The following JAKMIP3 variants were observed in gnomAD, a reference collection of about 807,000 sequenced individuals.
JAKMIP3 encodes janus kinase and microtubule-interacting protein 3.
In JAKMIP3, 58 loss-of-function variants were observed where a neutral mutation model predicts 118.5. The ratio of observed to expected loss-of-function variants is 0.49; its 90% CI spans 0.40 to 0.61. The LOEUF is 0.61. Ranked by LOEUF, JAKMIP3 falls within the 20% of genes least tolerant of loss-of-function variation. The pLI is 0.00. For missense variants in JAKMIP3, 950 were observed against 1,109.0 expected (o/e 0.86, Z 2.04); for synonymous variants, 486 against 451.2 (o/e 1.08, Z -0.98).
chr10:132,100,869 C>G (rs1404207434), intron 1 of JAKMIP3, among the ~76,000 whole-genome samples: 1 of 152,094 alleles, frequency 6.6e-6, no homozygotes, highest in Non-Finnish European at 1.5e-5. Flanking sequence ...ATGAGGAACC[C>G]CAGCTGTGCT....
chr10:132,039,379 C>G (rs2037641287), intron 1 of JAKMIP3, among the ~76,000 whole-genome samples: 1 of 150,722 alleles, frequency 6.6e-6, no homozygotes, highest in Admixed American at 6.6e-5. Flanking sequence ...TGCCTTGCCC[C>G]CTCCGGTTTT....
chr10:132,077,749 C>T (rs2041055007), intron 1 of JAKMIP3, among the ~76,000 whole-genome samples: 1 of 152,224 alleles, frequency 6.6e-6, no homozygotes, highest in Non-Finnish European at 1.5e-5. Context: ...CTCCTGGGTT[C>T]AAGTGATTCT....
At chr10:132,062,539 G>C (rs1001354942), upstream of JAKMIP3, among the ~76,000 whole-genome samples, 1 of 152,254 alleles carries the variant, frequency 6.6e-6, no homozygotes, top group East Asian at 1.9e-4. Flanking sequence ...GATGGACGAA[G>C]ATCTACACGC....
At chr10:132,091,953 G>T (rs762901921) in intron 1 of JAKMIP3, among the ~76,000 whole-genome samples, 15 of 150,850 alleles carry the variant, frequency 9.9e-5, no homozygotes, top group Middle Eastern at 3.4e-3. Context: ...AGGAGCTCTT[G>T]TAGGGCAGGC....
intron 8 of JAKMIP3, 25 bp downstream of exon 8, chr10:132,137,314 C>T (rs1486705019): frequency 6.2e-7 from 1 of 1,613,428 alleles, no homozygotes; most frequent in African/African-American, 1.3e-5. Context: ...CGCCCGCTTC[C>T]CCACGCCTCC....
intron 1 of JAKMIP3, among the ~76,000 whole-genome samples, chr10:132,097,934 C>T (rs114836015): frequency 0.26 from 8,866 of 33,988 alleles, 1,977 homozygotes; most frequent in East Asian, 0.37. Context: ...CCTTCCCCTT[C>T]CCCTTTCCCT....
Position 132,044,304 on chromosome 10 carries a change from C to T in JAKMIP3, c.-138+7566C>T, listed in dbSNP as rs924514198. On this transcript the variant is annotated intron_variant, in intron 1 of 23. Coordinates refer to the JAKMIP3 transcript ENST00000657785. The surrounding 1 kb of genome is among the most constrained non-coding windows in gnomAD (Gnocchi z 5.3). ...CTGGGGTGAGTAGTCAACACAGACACAGTCCCTGCCTGCTGGGAGTGGCCA... is the reference window on the plus strand; with the variant it reads ...CTGGGGTGAGTAGTCAACACAGACATAGTCCCTGCCTGCTGGGAGTGGCCA... 2.0e-5 allele frequency among the ~76,000 whole-genome samples: 3 copies of T among 152,220 alleles called. No homozygotes were observed. The highest frequency in any genetic ancestry group is 1.5e-5 in the Non-Finnish European group (1 of 68,034).
chr10:132,062,623 A>G (rs144507181), upstream of JAKMIP3, among the ~76,000 whole-genome samples: 1 of 152,394 alleles, frequency 6.6e-6, no homozygotes, highest in African/African-American at 2.4e-5. Context: ...GTAGAGTATG[A>G]TGCCAATTAT....
intron 11 of JAKMIP3, among the ~76,000 whole-genome samples, chr10:132,142,683 G>T (rs971379385): frequency 1.3e-5 from 2 of 152,204 alleles, no homozygotes; most frequent in African/African-American, 2.4e-5. Flanking sequence ...ATGGGTCGGG[G>T]GTCCTCTTGC....
At chr10:132,157,166 C>T (rs2057198433) in intron 19 of JAKMIP3, among the ~76,000 whole-genome samples, 1 of 152,158 alleles carries the variant, frequency 6.6e-6, no homozygotes, top group South Asian at 2.1e-4. Context: ...CTCTGGACTC[C>T]AGATGCCACC....
rs1435419881 is a variant in JAKMIP3 at position 132,139,290 on chromosome 10, ATC to A, written c.1344+1114_1344+1115del. On this transcript the variant is annotated intron_variant, in intron 9 of 23. Coordinates refer to ENST00000684848, the MANE Select transcript of JAKMIP3 (RefSeq NM_001323087.2). ...TGTGTGTACATGTGAGTGTATATGC[ATC>A]TGTGTATGTGTGTGAGTGTGTATGT... is the stretch of plus-strand genomic sequence containing the variant. 6.0e-5 allele frequency among the ~76,000 whole-genome samples: 7 copies of A among 115,724 alleles called. 2 individuals carry two copies. The highest frequency in any genetic ancestry group is 2.6e-4 in the African/African-American group (7 of 26,504). 75.9% of individuals were successfully genotyped at this position (115,724 alleles called of 152,430 possible).
In JAKMIP3 at chr10:132,164,728, AG is replaced by A; in HGVS notation, c.2485del (p.Glu829LysfsTer12). ...EAQKRQIKEL[E>X]EKFLFLFLFF... The stretch of plus-strand genomic sequence containing the variant: ...CAGAAGAGACAAATAAAGGAACTGG[AG>A]GAAAAGGTAAAACAAATGCAGTTTT... On this transcript the variant is annotated frameshift_variant, in exon 21 of 24. Transcript: ENST00000684848. LOFTEE classifies it high-confidence loss of function. 6.2e-7 allele frequency: 1 copy of A among 1,601,732 alleles called. No individual in the cohort carries two copies. The highest frequency in any genetic ancestry group is 8.6e-7 in the Non-Finnish European group (1 of 1,168,922).
In JAKMIP3 at chr10:132,117,667, GGGC is replaced by G; in HGVS notation, c.633+94_633+96del. On this transcript the variant is annotated intron_variant, in intron 3 of 23. Transcript: ENST00000684848. The surrounding 1 kb of genome is among the most constrained non-coding windows in gnomAD (Gnocchi z 8.6). Reference sequence around the variant, plus strand: ...CGGGCGTGGGCGAGGGTGCAGGCGTGGGCTCGGGGAGCACGCGGGCAGCACCGG... The same window carrying G: ...CGGGCGTGGGCGAGGGTGCAGGCGTGTCGGGGAGCACGCGGGCAGCACCGG... The G allele has an allele frequency of 8.0e-7, 1 of 1,249,122 alleles. No homozygotes were observed. The allele number at this position is 1,249,122 out of a possible 1,614,324, so 77.4% of individuals were successfully genotyped here.
chr10:132,172,991 CTCT>C (rs2059673952), intron 23 of JAKMIP3, among the ~76,000 whole-genome samples: 1 of 32,782 alleles, frequency 3.1e-5, no homozygotes, highest in African/African-American at 7.2e-5. Context: ...CTCTCTCTCT[CTCT>C]CCTTCCCTCT....
At chr10:132,156,819 G>A (rs1050425723) in intron 19 of JAKMIP3, among the ~76,000 whole-genome samples, 3 of 152,214 alleles carry the variant, frequency 2.0e-5, no homozygotes, top group Non-Finnish European at 4.4e-5. Context: ...TTTAAATCCA[G>A]CCCACCTTGA....
chr10:132,170,808 G>A (rs933013087), intron 23 of JAKMIP3, among the ~76,000 whole-genome samples: 4 of 152,234 alleles, frequency 2.6e-5, no homozygotes, highest in Non-Finnish European at 4.4e-5. Context: ...CAGGCTCATT[G>A]TGGACAAGGC....
chr10:132,078,798 C>G (rs1405065107), intron 1 of JAKMIP3, among the ~76,000 whole-genome samples: 4 of 148,096 alleles, frequency 2.7e-5, no homozygotes, highest in Admixed American at 2.1e-4. Context: ...AAGCTGCTCC[C>G]TTGGCCCGGC....
Position 132,148,139 on chromosome 10 carries a change from T to TGAACAC in JAKMIP3, c.1848+94_1848+95insCGAACA. On this transcript the variant is annotated intron_variant, in intron 14 of 23. Transcript: ENST00000684848. The stretch of plus-strand genomic sequence containing the variant: ...CCTAACCCACACAAAGCCCTGAACA[T>TGAACAC]GAACATGAACATGAACATGAACCCA... 4 of 669,024 alleles carry TGAACAC rather than the reference T, an allele frequency of 6.0e-6. No individual in the cohort carries two copies. The South Asian group carries it at 7.5e-5, about 13-fold the overall frequency. The allele number at this position is 669,024 out of a possible 1,614,324, so 41.4% of individuals were successfully genotyped here.
intron 19 of JAKMIP3, among the ~76,000 whole-genome samples, chr10:132,159,715 GCTGGGGGCATGTC>G (rs1564982120): frequency 2.5e-4 from 27 of 108,460 alleles, no homozygotes; most frequent in Non-Finnish European, 3.8e-4. Context: ...CCTGTGTGAT[GCTGGGGGCATGTC>G]TTCCTGTGTG....
Sources: gnomAD v4.1 joint callset for allele counts (sites outside exome capture counted in the v4.1 genomes callset) on GRCh38, gnomAD v4.1.1 for gene constraint, Gnocchi (gnomAD v3.1) non-coding constraint, MANE v1.5 for transcripts, NCBI Gene and HGNC (gene_info 2026-07-23, HGNC 2026-07-21) for gene names.